Variants in KRT16 observed in about 807,000 individuals in gnomAD.
KRT16 encodes keratin 16.
KRT16 carries 42 observed loss-of-function variants against 44.8 expected under a neutral mutation model. The observed-to-expected ratio is 0.94, with a 90% CI of 0.73 to 1.21. The LOEUF is 1.21. Ranked by LOEUF, KRT16 falls within the 50% of genes most tolerant of loss-of-function variation. The pLI is 0.00. For synonymous variants in KRT16, 226 were observed against 260.4 expected, an observed-to-expected ratio of 0.87 and a Z score of 1.27; for missense variants, 561 against 626.9, an observed-to-expected ratio of 0.89 and a Z score of 1.12.
In KRT16 at chr17:41,612,612, C is replaced by T. The variant is rs1377935373; in HGVS notation, c.77G>A (p.Gly26Asp). The T allele has an allele frequency of 6.3e-7, 1 of 1,595,330 alleles. No homozygotes were observed. Among genetic ancestry groups the T allele is most frequent in the East Asian group, 2.3e-5 (1 of 43,850 alleles). ...GSCGIGGGIGGGSSRISSVLA... is the reference protein window; with the variant it reads ...GSCGIGGGIGDGSSRISSVLA... The stretch of plus-strand genomic sequence containing the variant: ...GACGGAGGAGATGCGGCTGGAGCCG[C>T]CCCCGATGCCGCCTCCGATGCCGCA... Residue 26 changes from glycine to aspartate, a missense_variant, in exon 1 of 8, where the codon GGC becomes GAC. Coordinates refer to ENST00000301653, the MANE Select transcript of KRT16 (RefSeq NM_005557.4).
intron 1 of KRT16, 117 bp from the exon 2 acceptor site, chr17:41,611,838 G>C: frequency 1.0e-6 from 1 of 999,234 alleles, no homozygotes; most frequent in Non-Finnish European, 1.5e-6. Flanking sequence ...CTGGCTGGCA[G>C]GGCTGGCATG....
Position 41,612,598 on chromosome 17 carries a change from T to G in KRT16, c.91A>C (p.Ile31Leu), listed in dbSNP as rs944892887. The G allele has an allele frequency of 6.3e-7, 1 of 1,596,058 alleles. No homozygotes were observed. Among genetic ancestry groups the G allele is most frequent in the African/African-American group, 1.3e-5 (1 of 74,604 alleles). The change falls in exon 1 of 8, where the codon ATC becomes CTC. Residue 31 changes from isoleucine to leucine, a missense_variant. Transcript: ENST00000301653. ...GGGIGGGSSR[I>L]SSVLAGGSCR... ...GACCCTCCGGCCAGGACGGAGGAGATGCGGCTGGAGCCGCCCCCGATGCCG... is the reference window on the plus strand; with the variant it reads ...GACCCTCCGGCCAGGACGGAGGAGAGGCGGCTGGAGCCGCCCCCGATGCCG...
rs371718644 is a variant in KRT16 at position 41,611,059 on chromosome 17, C to T, written c.933+10G>A. 179 of 1,614,018 alleles carry T rather than the reference C, an allele frequency of 1.1e-4. No individual in the cohort carries two copies. In the African/African-American group the frequency reaches 1.9e-3, roughly 18 times the overall value. ...AAGTGCTGCAGGCTCACTGCGGGCC[C>T]GAGCCCCACCTTGCTCAGGAACCAG... On this transcript the variant is annotated intron_variant, in intron 4 of 7. Transcript: ENST00000301653.
At position 41,610,359 on chromosome 17, in the gene KRT16, G is replaced by A. The variant is rs56259134; in HGVS notation, c.1252C>T (p.Arg418Cys). The A allele has an allele frequency of 7.2e-3, 11,566 of 1,612,720 alleles. 104 individuals carry two copies. Among genetic ancestry groups the A allele is most frequent in the East Asian group, 0.048 (2,156 of 44,878 alleles). Residue 418 changes from arginine (R) to cysteine (C), a missense_variant, in exon 6 of 8, where the codon CGC becomes TGC. Transcript: ENST00000301653. ...GCATCCTCGCCCTCCAGCAGGCGGC[G>A]GTAGGTGGCAATCTCCTGCTCCAGC... ...TRLEQEIATYRRLLEGEDAHL... is the reference protein window; with the variant it reads ...TRLEQEIATYCRLLEGEDAHL...
At position 41,610,197 on chromosome 17, in the gene KRT16, G is replaced by A. The variant is rs1353731594; in HGVS notation, c.1320C>T (p.Ser440=). Residue 440 remains serine (S), a synonymous_variant, in exon 7 of 8, where the codon TCC becomes TCT. Transcript: ENST00000301653. The part of the protein sequence containing the change: ...SQQASGQSYS[S]REVFTSSSSS... ...GAGCCTCAGAAGCCTTACCCTCGCG[G>A]GAAGAATAGGATTGGCCAGATGCTT... The A allele has an allele frequency of 6.2e-7, 1 of 1,613,998 alleles. No individual in the cohort carries two copies. Among genetic ancestry groups the A allele is most frequent in the Non-Finnish European group, 8.5e-7 (1 of 1,179,860 alleles).
At position 41,612,370 on chromosome 17, in the gene KRT16, C is replaced by T. The variant is rs1486444725; in HGVS notation, c.319G>A (p.Ala107Thr). The T allele has an allele frequency of 6.2e-7, 1 of 1,614,174 alleles. No individual in the cohort carries two copies. Among genetic ancestry groups the T allele is most frequent in the South Asian group, 1.1e-5 (1 of 91,084 alleles). Residue 107 changes from alanine (A) to threonine (T), a missense_variant, in exon 1 of 8, where the codon GCT (alanine) becomes ACT (threonine). Transcript: ENST00000301653. ...CCCACCAGAAGCCCATCACCACCAG[C>T]AAAACCACCACCAAAGCCAGCACCC... is the stretch of plus-strand genomic sequence containing the variant. ...GLGAGFGGGF[A>T]GGDGLLVGSE...
rs1468074439 is a variant in KRT16 at position 41,609,882 on chromosome 17, C to T, written c.*53G>A. 1.3e-6 allele frequency: 2 copies of T among 1,497,118 alleles called. No individual in the cohort carries two copies. The highest frequency in any genetic ancestry group is 4.5e-5 in the East Asian group (2 of 44,254). The allele number at this position is 1,497,118 out of a possible 1,614,324, so 92.7% of individuals were successfully genotyped here. A position where few individuals can be genotyped will look rare whatever the true frequency, so the allele number is the denominator to read the frequency against. On this transcript the variant is annotated 3_prime_UTR_variant, in exon 8 of 8. Transcript: ENST00000301653. ...AGAGCAGGGTCCTGACCCGGGCCTT[C>T]AGGAGGTGAGGCCAGCTGGTGGGCA...
chr17:41,610,620 G>GTT, intron 5 of KRT16, 69 bp from the exon 6 acceptor site: 1 of 1,576,248 alleles, frequency 6.3e-7, no homozygotes. Flanking sequence ...CTCTGGGCAT[G>GTT]TTTTTTGAGA....
At chr17:41,610,616 G>A (rs1468210696) in intron 5 of KRT16, 65 bp from the exon 6 acceptor site, 7 of 1,587,486 alleles carry the variant, frequency 4.4e-6, no homozygotes, top group Non-Finnish European at 6.0e-6. Context: ...AGGTCTCTGG[G>A]CATGTTTTTT....
rs1567744624 is a variant in KRT16, at chr17:41,610,782, C to T, written c.1059+72G>A. The T allele has an allele frequency of 1.9e-6, 3 of 1,608,584 alleles. No homozygotes were observed. The East Asian group carries it at 6.7e-5, about 36-fold the overall frequency. On this transcript the variant is annotated intron_variant, in intron 5 of 7. Coordinates refer to ENST00000301653, the MANE Select transcript of KRT16 (RefSeq NM_005557.4). ...CTGAGAAAAGAAAGGTGGAACTAGA[C>T]TGTGGCTTTTTGAGGGGGTGGTGGC...
At position 41,612,602 on chromosome 17, in the gene KRT16, G is replaced by T. The variant is rs758867324; in HGVS notation, c.87C>A (p.Ser29Arg). The T allele has an allele frequency of 1.8e-5, 29 of 1,596,188 alleles. No homozygotes were observed. In the East Asian group the frequency reaches 5.5e-4, roughly 30 times the overall value. Residue 29 changes from serine (S) to arginine (R), a missense_variant, in exon 1 of 8, where the codon AGC (serine) becomes AGA (arginine). Transcript: ENST00000301653. ...GIGGGIGGGSSRISSVLAGGS... is the reference protein window; with the variant it reads ...GIGGGIGGGSRRISSVLAGGS... ...CTCCGGCCAGGACGGAGGAGATGCGGCTGGAGCCGCCCCCGATGCCGCCTC... is the reference window on the plus strand; with the variant it reads ...CTCCGGCCAGGACGGAGGAGATGCGTCTGGAGCCGCCCCCGATGCCGCCTC...
chr17:41,610,727 T>C, intron 5 of KRT16, 127 bp downstream of exon 5: 1 of 1,518,466 alleles, frequency 6.6e-7, no homozygotes, highest in Non-Finnish European at 9.1e-7. Flanking sequence ...TCTATCTATA[T>C]AACGGTCCCA....
rs781520782 is a variant in KRT16, at chr17:41,611,429, C to T, written c.687G>A (p.Glu229=). Residue 229 remains glutamate (E), a synonymous_variant, in exon 3 of 8, where the codon GAG becomes GAA. Coordinates refer to ENST00000301653, the MANE Select transcript of KRT16 (RefSeq NM_005557.4). Reference sequence around the variant, plus strand: ...CCAGGTCAGTCCTGGCCAGGGTCAGCTCATCCAACACCCGGCGCAGGCCAT... The same window carrying T: ...CCAGGTCAGTCCTGGCCAGGGTCAGTTCATCCAACACCCGGCGCAGGCCAT... ...DVNGLRRVLD[E]LTLARTDLEM... is the part of the protein sequence containing the mutation. The T allele has an allele frequency of 1.3e-5, 21 of 1,614,112 alleles. No homozygotes were observed. The highest frequency in any genetic ancestry group is 1.8e-5 in the Non-Finnish European group (21 of 1,180,044).
intron 7 of KRT16, 56 bp downstream of exon 7, chr17:41,610,134 C>A (rs751361060): frequency 1.2e-6 from 2 of 1,605,334 alleles, no homozygotes; most frequent in South Asian, 1.1e-5. Context: ...GCCCAGCCCC[C>A]ACTCCATGGA....
At chr17:41,611,807 C>T (rs752352346) in intron 1 of KRT16, 86 bp from the exon 2 acceptor site, 89 of 1,275,712 alleles carry the variant, frequency 7.0e-5, no homozygotes, top group Middle Eastern at 5.1e-4. Flanking sequence ...CAAAAGGAAC[C>T]GCCCCAAATC....
Position 41,610,236 on chromosome 17 carries a change from G to T in KRT16, c.1281C>A (p.His427Gln), listed in dbSNP as rs1451494106. ...GGCCAGATGCTTGCTGGGAGGAAAGGCTGTGGGAGAGAAAAAGCAGGGCAG... is the reference window on the plus strand; with the variant it reads ...GGCCAGATGCTTGCTGGGAGGAAAGTCTGTGGGAGAGAAAAAGCAGGGCAG... Reference protein sequence around the residue: ...YRRLLEGEDAHLSSQQASGQS... With the variant: ...YRRLLEGEDAQLSSQQASGQS... The change falls in exon 7 of 8, where the codon CAC becomes CAA. Residue 427 changes from histidine to glutamine, a missense_variant and splice_region_variant. Coordinates refer to ENST00000301653, the MANE Select transcript of KRT16 (RefSeq NM_005557.4). The T allele has an allele frequency of 5.0e-6, 8 of 1,613,960 alleles. No homozygotes were observed. Among genetic ancestry groups the T allele is most frequent in the Admixed American group, 3.3e-5 (2 of 60,026 alleles).
rs373776227 is a variant in KRT16 at position 41,610,988 on chromosome 17, G to A, written c.934-9C>T. 156 of 1,613,974 alleles carry A rather than the reference G, an allele frequency of 9.7e-5. No individual in the cohort carries two copies. The highest frequency in any genetic ancestry group is 1.2e-4 in the Non-Finnish European group (147 of 1,179,952). On this transcript the variant is annotated splice_polypyrimidine_tract_variant and intron_variant, in intron 4 of 7. Coordinates refer to ENST00000301653, the MANE Select transcript of KRT16 (RefSeq NM_005557.4). ...TTGTTCAGCTCCTCGGTCTGAGGCA[G>A]GAAAGCAGAGTGAAAGGTGAGGCTC...
In KRT16 at chr17:41,612,681, G is replaced by A. The variant is rs763043015; in HGVS notation, c.8C>T (p.Thr3Ile). Residue 3 changes from threonine (T) to isoleucine (I), a missense_variant, in exon 1 of 8, where the codon ACC becomes ATC. Thr to Ile is a moderately conservative substitution (Grantham distance 89, BLOSUM62 -1). Coordinates refer to ENST00000301653, the MANE Select transcript of KRT16 (RefSeq NM_005557.4). The stretch of plus-strand genomic sequence containing the variant: ...GGAGGAGGTGAACTGGCGGCTGCAG[G>A]TGGTCATGGTGCCAAGGAGGGAGGT... MTTCSRQFTSSSS... is the reference protein window; with the variant it reads MTICSRQFTSSSS... 6.9e-6 allele frequency: 11 copies of A among 1,595,160 alleles called. No homozygotes were observed. Among genetic ancestry groups the A allele is most frequent in the Non-Finnish European group, 8.5e-6 (10 of 1,172,480 alleles).
At position 41,609,963 on chromosome 17, in the gene KRT16, G is replaced by T; in HGVS notation, c.1394C>A (p.Ser465Tyr). Residue 465 changes from serine to tyrosine, a missense_variant, in exon 8 of 8, where the codon TCC (serine) becomes TAC (tyrosine). By Grantham distance (144) the Ser-to-Tyr change is moderately radical. Coordinates refer to ENST00000301653, the MANE Select transcript of KRT16 (RefSeq NM_005557.4). ...GGAGCTCTGGCCCTGGCTGAAGCTG[G>T]ATGAGCTCTGCTCCTTGAGGATGGG... ...TRPILKEQSS[S>Y]SFSQGQSS 5 of 1,611,928 alleles carry T rather than the reference G, an allele frequency of 3.1e-6. No homozygotes were observed. The highest frequency in any genetic ancestry group is 4.2e-6 in the Non-Finnish European group (5 of 1,179,830).
Sources: gnomAD v4.1 joint callset for allele counts on GRCh38, gnomAD v4.1.1 for gene constraint, MANE v1.5 for transcripts, NCBI Gene and HGNC (gene_info 2026-07-23, HGNC 2026-07-21) for gene names.